COL6A6: variants seen among roughly 807,000 people sequenced by gnomAD.
The protein encoded by COL6A6 is collagen alpha-6(VI) chain.
COL6A6 carries 183 observed loss-of-function variants against 208.6 expected under a neutral mutation model. The observed-to-expected ratio is 0.88, with a 90% CI of 0.78 to 0.99. COL6A6 has a LOEUF of 0.99. Ranked by LOEUF, COL6A6 falls within the 50% of genes least tolerant of loss-of-function variation. The probability of loss-of-function intolerance (pLI) is 0.00; values close to 1 mark genes in which losing one functional copy is unlikely to be tolerated. For synonymous variants in COL6A6, 973 were observed against 1,011.8 expected (o/e 0.96, Z 0.73); for missense variants, 2,816 against 2,815.2 (o/e 1.00, Z -0.01).
chr3:130,546,164 T>C (rs904815853), intron 1 of COL6A6, among the ~76,000 whole-genome samples: 2 of 152,088 alleles, frequency 1.3e-5, no homozygotes, highest in Non-Finnish European at 2.9e-5. Flanking sequence ...TCGCGGTGAG[T>C]GTTACAGTTC....
At chr3:130,537,987 T>G (rs1308892836) in intron 1 of COL6A6, among the ~76,000 whole-genome samples, 1 of 152,200 alleles carries the variant, frequency 6.6e-6, no homozygotes, top group African/African-American at 2.4e-5. Context: ...TTAAAGAAAT[T>G]TCCAGTGAAA....
intron 1 of COL6A6, among the ~76,000 whole-genome samples, chr3:130,524,014 C>G (rs1711234397): frequency 6.6e-6 from 1 of 152,174 alleles, no homozygotes; most frequent in African/African-American, 2.4e-5. Flanking sequence ...TTTCCCCCTT[C>G]TCCACGAGTA....
chr3:130,606,675 A>C (rs924136736), intron 20 of COL6A6, among the ~76,000 whole-genome samples: 1 of 152,212 alleles, frequency 6.6e-6, no homozygotes, highest in Non-Finnish European at 1.5e-5. Context: ...CTGTTCTCAT[A>C]AGTATCTGTA....
At chr3:130,668,310 C>G (rs566138047) in intron 36 of COL6A6, among the ~76,000 whole-genome samples, 112 of 152,126 alleles carry the variant, frequency 7.4e-4, no homozygotes, top group Non-Finnish European at 1.1e-3. Context: ...AACCTCATCT[C>G]TACTAAAAAT....
At chr3:130,546,336 T>A (rs2062495945) in intron 1 of COL6A6, among the ~76,000 whole-genome samples, 1 of 152,058 alleles carries the variant, frequency 6.6e-6, no homozygotes, top group Admixed American at 6.6e-5. Context: ...AGTTGTTCAT[T>A]CCTCCCAGTG....
intron 7 of COL6A6, among the ~76,000 whole-genome samples, chr3:130,571,842 A>ATTTTTTTTTTT (rs67080729): frequency 5.4e-5 from 6 of 110,854 alleles, no homozygotes; most frequent in Non-Finnish European, 5.1e-5. Context: ...GGCATGGCTA[A>ATTTTTTTTTTT]TTTTTTTTTT....
At position 130,545,539 on chromosome 3, in the gene COL6A6, C is replaced by T. The variant is rs139219949; in HGVS notation, c.-31-14795C>T. Among the ~76,000 whole-genome samples the T allele has an allele frequency of 3.8e-3, 584 of 151,702 alleles. 7 individuals carry two copies. Among genetic ancestry groups the T allele is most frequent in the African/African-American group, 0.013 (555 of 41,316 alleles). On this transcript the variant is annotated intron_variant, in intron 1 of 36. Coordinates refer to ENST00000358511, the MANE Select transcript of COL6A6 (RefSeq NM_001102608.3). ...CATGATCTCGGCTCACTGCAACCTC[C>T]GCCTCCCGGATTCAAGTGATTCTCC...
chr3:130,658,560 G>A (rs1337343217), intron 33 of COL6A6, 116 bp from the exon 34 acceptor site: 9 of 685,168 alleles, frequency 1.3e-5, no homozygotes, highest in Middle Eastern at 2.4e-4. Context: ...TGCCTCCCCC[G>A]TACCTTCTTA....
chr3:130,525,487 T>G (rs1301117553), intron 1 of COL6A6, among the ~76,000 whole-genome samples: 1 of 152,240 alleles, frequency 6.6e-6, no homozygotes, highest in Non-Finnish European at 1.5e-5. Flanking sequence ...TTTTGCTGTT[T>G]GACTTTTTAT....
chr3:130,666,725 T>A (rs1042665046), intron 36 of COL6A6, among the ~76,000 whole-genome samples: 3 of 152,008 alleles, frequency 2.0e-5, no homozygotes, highest in Admixed American at 6.5e-5. Flanking sequence ...AATGGGAAGA[T>A]CTAACCTATA....
In COL6A6 at chr3:130,585,773, G is replaced by A. The variant is rs563632738; in HGVS notation, c.3971-733G>A. On this transcript the variant is annotated intron_variant, in intron 10 of 36. Transcript: ENST00000358511. ...TGGGTTATTGATGTCTTATCAGATCGTACAGAGCTGTGCTTTTCAGATTTT... is the reference window on the plus strand; with the variant it reads ...TGGGTTATTGATGTCTTATCAGATCATACAGAGCTGTGCTTTTCAGATTTT... Among the ~76,000 whole-genome samples the A allele has an allele frequency of 1.7e-4, 26 of 152,256 alleles. No individual in the cohort carries two copies. The East Asian group carries it at 2.5e-3, about 15-fold the overall frequency.
intron 26 of COL6A6, 23 bp from the exon 27 acceptor site, chr3:130,634,567 A>G: frequency 6.3e-7 from 1 of 1,596,626 alleles, no homozygotes. Flanking sequence ...GCCTGTATAA[A>G]TCTTTCCTCC....
At chr3:130,625,395 A>G (rs1464159313) in intron 24 of COL6A6, among the ~76,000 whole-genome samples, 1 of 152,174 alleles carries the variant, frequency 6.6e-6, no homozygotes, top group African/African-American at 2.4e-5. Context: ...GGGGAGGGAG[A>G]TGGAGAGTAA....
At chr3:130,628,855 A>G (rs2064974913) in intron 26 of COL6A6, among the ~76,000 whole-genome samples, 1 of 113,918 alleles carries the variant, frequency 8.8e-6, no homozygotes, top group South Asian at 2.8e-4. Flanking sequence ...TAGAAGGAAA[A>G]CTAACAACCA....
chr3:130,564,900 T>G, intron 3 of COL6A6, 94 bp from the exon 4 acceptor site: 15 of 1,376,546 alleles, frequency 1.1e-5, no homozygotes, highest in Non-Finnish European at 1.5e-5. Context: ...AGTGCATAAC[T>G]GAGCTCTGCT....
In COL6A6 at chr3:130,644,552, A is replaced by G. The variant is rs139499635; in HGVS notation, c.5228-439A>G. On this transcript the variant is annotated intron_variant, in intron 31 of 36. Coordinates refer to ENST00000358511, the MANE Select transcript of COL6A6 (RefSeq NM_001102608.3). ...AATATGCATATAATATACATATAGT[A>G]TACACATATATACTATACAAAGATA... Among the ~76,000 whole-genome samples the G allele has an allele frequency of 1.5e-3, 222 of 152,352 alleles. 1 individual carries two copies. Among genetic ancestry groups the G allele is most frequent in the Non-Finnish European group, 2.3e-3 (156 of 68,036 alleles).
chr3:130,664,434 G>T (rs1211055209), intron 35 of COL6A6, among the ~76,000 whole-genome samples: 1 of 152,098 alleles, frequency 6.6e-6, no homozygotes, highest in Non-Finnish European at 1.5e-5. Context: ...CTGCTTCAAA[G>T]AAATAGATAA....
At position 130,574,322 on chromosome 3, in the gene COL6A6, A is replaced by C; in HGVS notation, c.3344A>C (p.Gln1115Pro). Residue 1115 changes from glutamine to proline, a missense_variant, in exon 8 of 37, where the codon CAA becomes CCA. Gln to Pro is a moderately conservative substitution (Grantham distance 76). Coordinates refer to ENST00000358511, the MANE Select transcript of COL6A6 (RefSeq NM_001102608.3). ...VLLVLTDGQS[Q>P]DEVAQAAEAL... ...CTGGTCCTTACAGATGGCCAGTCCC[A>C]AGACGAGGTGGCCCAGGCCGCGGAA... 6.2e-7 allele frequency: 1 copy of C among 1,614,042 alleles called. No individual in the cohort carries two copies. Among genetic ancestry groups the C allele is most frequent in the African/African-American group, 1.3e-5 (1 of 75,060 alleles).
At chr3:130,531,065 C>CACACAG in intron 1 of COL6A6, among the ~76,000 whole-genome samples, 4 of 129,840 alleles carry the variant, frequency 3.1e-5, no homozygotes, top group African/African-American at 1.1e-4. Flanking sequence ...CACACAGTCT[C>CACACAG]TCTCTCTCTC....
Sources: gnomAD v4.1 joint callset for allele counts (sites outside exome capture counted in the v4.1 genomes callset) on GRCh38, gnomAD v4.1.1 for gene constraint, MANE v1.5 for transcripts, NCBI Gene and HGNC (gene_info 2026-07-23, HGNC 2026-07-21) for gene names.